Variants in ZNF48 observed in about 807,000 individuals in gnomAD.
ZNF48 encodes zinc finger protein 48.
A neutral mutation model predicts 40.0 loss-of-function variants in ZNF48; 20 were observed. The observed-to-expected ratio is 0.50, with a 90% CI of 0.35 to 0.73. The LOEUF is 0.73. Ranked by LOEUF, ZNF48 falls within the 30% of genes least tolerant of loss-of-function variation. ZNF48 has a pLI of 0.01. For missense variants in ZNF48, 726 were observed against 851.9 expected (o/e 0.85, Z 1.84); for synonymous variants, 298 against 329.7 (o/e 0.90, Z 1.04).
chr16:30,381,449 G>A lies in ZNF48; in HGVS notation c.-16+3039G>A, dbSNP rs771721047. ...TAAGGTACTGCTCAAATTGCTCCTC[G>A]ATGAATTTCACCACCGGAAGCCAGC... On this transcript the variant is annotated intron_variant, in intron 1 of 2. Coordinates refer to the ZNF48 transcript ENST00000528032. This position sits in a 1 kb window ranked among gnomAD's most constrained non-coding sequence, Gnocchi z 4.3. 8.1e-6 allele frequency: 13 copies of A among 1,613,908 alleles called. No individual in the cohort carries two copies. In the East Asian group the frequency reaches 1.1e-4, roughly 14 times the overall value.
chr16:30,384,238 T>G (rs2049882351), intron 1 of ZNF48, among the ~76,000 whole-genome samples: 1 of 139,970 alleles, frequency 7.1e-6, no homozygotes, highest in Non-Finnish European at 1.5e-5. Flanking sequence ...AACAAACAAA[T>G]CTACCTCAGG....
chr16:30,383,199 CT>C (rs947492613), intron 1 of ZNF48, among the ~76,000 whole-genome samples: 27 of 151,962 alleles, frequency 1.8e-4, no homozygotes, highest in African/African-American at 6.5e-4. Context: ...TTCTTTCTTT[CT>C]TTTTTTGAGA....
At chr16:30,379,773 A>T in intron 1 of ZNF48, 2 of 595,844 alleles carry the variant, frequency 3.4e-6, no homozygotes, top group South Asian at 4.0e-5. Flanking sequence ...CACCTGGCAA[A>T]TTTGTGTATT....
At chr16:30,383,249 C>T (rs1353858272) in intron 1 of ZNF48, among the ~76,000 whole-genome samples, 5 of 152,106 alleles carry the variant, frequency 3.3e-5, no homozygotes, top group Non-Finnish European at 5.9e-5. Context: ...AGTGTAGTGG[C>T]GCCATCTCGG....
chr16:30,381,635 C>T lies in ZNF48; in HGVS notation c.-16+3225C>T. 1 of 1,494,406 alleles carries T rather than the reference C, an allele frequency of 6.7e-7. No individual in the cohort carries two copies. The highest frequency in any genetic ancestry group is 9.1e-7 in the Non-Finnish European group (1 of 1,099,920). 92.6% of individuals were successfully genotyped at this position (1,494,406 alleles called of 1,614,324 possible). On this transcript the variant is annotated intron_variant, in intron 1 of 2. Transcript: ENST00000528032. The surrounding 1 kb of genome is among the most constrained non-coding windows in gnomAD (Gnocchi z 4.3). Reference sequence around the variant, plus strand: ...GGTGAGTCATCAAGAAGCACAGGGACCCAGTGGCCCTCTGAAACAGACACC... The same window carrying T: ...GGTGAGTCATCAAGAAGCACAGGGATCCAGTGGCCCTCTGAAACAGACACC...
upstream of ZNF48, chr16:30,395,356 C>T (rs1017512774): frequency 2.2e-6 from 1 of 451,856 alleles, no homozygotes; most frequent in Non-Finnish European, 4.4e-6. This position sits in a 1 kb window ranked among gnomAD's most constrained non-coding sequence, Gnocchi z 5.9. Context: ...GCGACCCCCA[C>T]AGGCCCGCAG....
In ZNF48 at chr16:30,399,238, T is replaced by G; in HGVS notation, c.*131T>G. ...AAAGGGGAGGAAGAATAGATAGAAATAGGGATTGGAGACAGTAACCTTGAA... is the reference window on the plus strand; with the variant it reads ...AAAGGGGAGGAAGAATAGATAGAAAGAGGGATTGGAGACAGTAACCTTGAA... On this transcript the variant is annotated 3_prime_UTR_variant, in exon 3 of 3. Transcript: ENST00000613509. 1 of 906,796 alleles carries G rather than the reference T, an allele frequency of 1.1e-6. No individual in the cohort carries two copies. The highest frequency in any genetic ancestry group is 1.6e-6 in the Non-Finnish European group (1 of 620,780). 56.2% of individuals were successfully genotyped at this position (906,796 alleles called of 1,614,324 possible). A position where few individuals can be genotyped will look rare whatever the true frequency, so the allele number is the denominator to read the frequency against.
chr16:30,381,865 A>G lies in ZNF48; in HGVS notation c.-16+3455A>G. ...CTCTACGCCCCGGCGCTCAATGGCC[A>G]GGGTCTGTGTCAAGCGAGCTGTGGG... On this transcript the variant is annotated intron_variant, in intron 1 of 2. Transcript: ENST00000528032. The surrounding 1 kb of genome is among the most constrained non-coding windows in gnomAD (Gnocchi z 4.3). 3 of 1,614,098 alleles carry G rather than the reference A, an allele frequency of 1.9e-6. No individual in the cohort carries two copies. In the South Asian group the frequency reaches 3.3e-5, roughly 18 times the overall value.
chr16:30,396,023 T>C (rs2049982104), intron 2 of ZNF48, 150 bp downstream of exon 2: 1 of 795,554 alleles, frequency 1.3e-6, no homozygotes, highest in Non-Finnish European at 1.8e-6. Flanking sequence ...GCACCAACTG[T>C]GCGCCAGGCC....
chr16:30,394,380 A>G (rs978194299), upstream of ZNF48, among the ~76,000 whole-genome samples: 1 of 151,698 alleles, frequency 6.6e-6, no homozygotes, highest in African/African-American at 2.4e-5. Flanking sequence ...ACCTCCAGAC[A>G]CTCTCTCCAC....
chr16:30,378,497 C>T (rs1262727008), intron 1 of ZNF48: 5 of 1,579,484 alleles, frequency 3.2e-6, no homozygotes, highest in Non-Finnish European at 3.4e-6. Flanking sequence ...GCATCTTCTC[C>T]AGCATCTCTT....
chr16:30,383,741 A>T (rs951057722), intron 1 of ZNF48, among the ~76,000 whole-genome samples: 1 of 152,186 alleles, frequency 6.6e-6, no homozygotes, highest in African/African-American at 2.4e-5. Context: ...AGCCTCCCTC[A>T]GCTGGCCTCA....
chr16:30,390,774 T>C (rs1160424209), upstream of ZNF48, among the ~76,000 whole-genome samples: 2 of 151,546 alleles, frequency 1.3e-5, no homozygotes, highest in Non-Finnish European at 2.9e-5. Context: ...GCGCCCGCCA[T>C]CACGCCTGGC....
chr16:30,390,403 T>A (rs550303127), intron 1 of ZNF48, among the ~76,000 whole-genome samples: 134 of 152,162 alleles, frequency 8.8e-4, no homozygotes, highest in Non-Finnish European at 1.0e-3. Flanking sequence ...ACATTCTTTT[T>A]TATTTTTATT....
Position 30,398,238 on chromosome 16 carries a change from C to G in ZNF48, c.988C>G (p.Pro330Ala). 6.2e-7 allele frequency: 1 copy of G among 1,613,624 alleles called. No individual in the cohort carries two copies. The change falls in exon 3 of 3, where the codon CCC becomes GCC. Residue 330 changes from proline to alanine, a missense_variant. Physicochemically the swap from Pro to Ala is conservative, Grantham distance 27. This residue lies in a region of ZNF48 where 378 missense variants were observed against 449.1 expected (regional missense o/e 0.84). Coordinates refer to ENST00000613509, the MANE Select transcript of ZNF48 (RefSeq NM_001214909.2). This position sits in a 1 kb window ranked among gnomAD's most constrained non-coding sequence, Gnocchi z 6.6. ...CCTGCGGGTGCACACGGGTGAGAAG[C>G]CCTACCTCTGCCCAGAGTGCGGCAA... ...KHLRVHTGEK[P>A]YLCPECGKGF...
Position 30,381,409 on chromosome 16 carries a change from G to A in ZNF48, c.-16+2999G>A. On this transcript the variant is annotated intron_variant, in intron 1 of 2. Coordinates refer to the ZNF48 transcript ENST00000528032. This position sits in a 1 kb window ranked among gnomAD's most constrained non-coding sequence, Gnocchi z 4.3. Reference sequence around the variant, plus strand: ...GAGTCCTGGATGTTCTTCCGGTTCAGGCCACTCTCATCCCTAAGGTACTGC... The same window carrying A: ...GAGTCCTGGATGTTCTTCCGGTTCAAGCCACTCTCATCCCTAAGGTACTGC... 1 of 1,613,922 alleles carries A rather than the reference G, an allele frequency of 6.2e-7. No individual in the cohort carries two copies. The highest frequency in any genetic ancestry group is 1.1e-5 in the South Asian group (1 of 91,062).
In ZNF48 at chr16:30,398,454, C is replaced by A. The variant is rs777984369; in HGVS notation, c.1204C>A (p.Pro402Thr). 28 of 1,589,316 alleles carry A rather than the reference C, an allele frequency of 1.8e-5. No homozygotes were observed. Among genetic ancestry groups the A allele is most frequent in the Non-Finnish European group, 2.3e-5 (27 of 1,165,402 alleles). The change falls in exon 3 of 3, where the codon CCC (proline) becomes ACC (threonine). Residue 402 changes from proline to threonine, a missense_variant. By Grantham distance (38) the Pro-to-Thr change is conservative. Around this residue, in one of 5 missense-constraint regions of ZNF48, gnomAD observed 378 missense variants for 449.1 expected, o/e 0.84. Transcript: ENST00000613509. The surrounding 1 kb of genome is among the most constrained non-coding windows in gnomAD (Gnocchi z 6.6). ...CCTACCCGCTCTGATCCCCAGCCCA[C>A]CCCCACCTCCTCTGGGCACCAGCCC... The part of the protein sequence containing the change: ...YPLPALIPSP[P>T]PPPLGTSPPL...
At chr16:30,379,478 G>C in intron 1 of ZNF48, 1 of 1,613,834 alleles carries the variant, frequency 6.2e-7, no homozygotes, top group Non-Finnish European at 8.5e-7. Flanking sequence ...TCACCGGCCG[G>C]TTCCCGCCAT....
upstream of ZNF48, among the ~76,000 whole-genome samples, chr16:30,391,200 A>C (rs899573493): frequency 1.3e-5 from 2 of 151,684 alleles, no homozygotes; most frequent in African/African-American, 2.4e-5. Context: ...GTTTTCTTTT[A>C]TTTTTATTTT....
Sources: gnomAD v4.1 joint callset for allele counts (sites outside exome capture counted in the v4.1 genomes callset) on GRCh38, gnomAD v4.1.1 for gene constraint, gnomAD v4.1.1 regional missense constraint, Gnocchi (gnomAD v3.1) non-coding constraint, MANE v1.5 for transcripts, NCBI Gene and HGNC (gene_info 2026-07-23, HGNC 2026-07-21) for gene names.